Variants in AMOTL2 observed in about 807,000 individuals in gnomAD.
The protein encoded by AMOTL2 is angiomotin like 2, also known as angiomotin-like protein 2.
Under a neutral mutation model 78.4 loss-of-function variants are expected in AMOTL2, and 33 were observed. The observed-to-expected ratio is 0.42, with a 90% confidence interval of 0.32 to 0.56. The LOEUF is 0.56. Ranked by LOEUF, AMOTL2 falls within the 20% of genes least tolerant of loss-of-function variation. The pLI is 0.12. For missense variants in AMOTL2, 983 were observed against 1,030.1 expected (o/e 0.95, Z 0.63); for synonymous variants, 422 against 428.8 (o/e 0.98, Z 0.20).
rs2017233474 is a variant in AMOTL2, at chr3:134,359,345, C to T, written c.2042G>A (p.Gly681Asp). The T allele has an allele frequency of 6.2e-7, 1 of 1,614,220 alleles. No homozygotes were observed. Among genetic ancestry groups the T allele is most frequent in the African/African-American group, 1.3e-5 (1 of 75,062 alleles). Residue 681 changes from glycine (G) to aspartate (D), a missense_variant, in exon 8 of 10, where the codon GGC becomes GAC. Coordinates refer to ENST00000249883, the MANE Select transcript of AMOTL2 (RefSeq NM_016201.4). ...VFAAAAAGTQ[G>D]WQGLSSSERQ... Reference sequence around the variant, plus strand: ...CTCACTAGAAGAGAGCCCTTGCCAGCCCTGGGTTCCTGCTGCCGCAGCCGC... The same window carrying T: ...CTCACTAGAAGAGAGCCCTTGCCAGTCCTGGGTTCCTGCTGCCGCAGCCGC...
Position 134,361,797 on chromosome 3 carries a change from C to T in AMOTL2, c.1290G>A (p.Gln430=). The change falls in exon 6 of 10, where the codon CAG becomes CAA. Residue 430 remains glutamine, a synonymous_variant. Coordinates refer to ENST00000249883, the MANE Select transcript of AMOTL2 (RefSeq NM_016201.4). ...GCTCCAGCTTCTCTTGCTCCTGCTG[C>T]TGTTCGTAGCCTGTAGGGAGAAAGA... is the stretch of plus-strand genomic sequence containing the variant. The part of the protein sequence containing the change: ...VAKLLAQSYE[Q]QQEQEKLERE... 6.4e-7 allele frequency: 1 copy of T among 1,554,492 alleles called. No homozygotes were observed. Among genetic ancestry groups the T allele is most frequent in the Non-Finnish European group, 8.7e-7 (1 of 1,145,894 alleles).
Position 134,370,960 on chromosome 3 carries a change from C to A in AMOTL2, c.474G>T (p.Leu158Phe). The change falls in exon 2 of 10, where the codon TTG (leucine) becomes TTT (phenylalanine). Residue 158 changes from leucine (L) to phenylalanine (F), a missense_variant. Leu to Phe is a conservative substitution (Grantham distance 22). Transcript: ENST00000249883. ...RELRHGHVRS[L>F]SERLLQLSLE... is the part of the protein sequence containing the mutation. Reference sequence around the variant, plus strand: ...GGGACAACTGAAGGAGCCGTTCACTCAACGAGCGCACGTGCCCATGCCTCA... The same window carrying A: ...GGGACAACTGAAGGAGCCGTTCACTAAACGAGCGCACGTGCCCATGCCTCA... 6.2e-7 allele frequency: 1 copy of A among 1,609,608 alleles called. No homozygotes were observed. The highest frequency in any genetic ancestry group is 1.1e-5 in the South Asian group (1 of 90,666).
At chr3:134,358,389 C>T (rs1488687970) in intron 9 of AMOTL2, 151 bp downstream of exon 9, 78 of 934,992 alleles carry the variant, frequency 8.3e-5, no homozygotes, top group Non-Finnish European at 1.2e-4. Flanking sequence ...GTGGGCCAGG[C>T]ACCCTGCTCA....
chr3:134,366,266 G>A lies in AMOTL2; in HGVS notation c.1186+17C>T. The A allele has an allele frequency of 6.2e-7, 1 of 1,613,060 alleles. No individual in the cohort carries two copies. The highest frequency in any genetic ancestry group is 8.5e-7 in the Non-Finnish European group (1 of 1,179,652). On this transcript the variant is annotated intron_variant, in intron 4 of 9. Transcript: ENST00000249883. ...TGCAGAGGTTCTCCAACCTCCACCT[G>A]TGTGACTGGCTCTCACCTCTAAGAT...
intron 5 of AMOTL2, among the ~76,000 whole-genome samples, chr3:134,362,863 T>TG (rs1404869757): frequency 6.6e-6 from 1 of 152,010 alleles, no homozygotes; most frequent in Non-Finnish European, 1.5e-5. Flanking sequence ...GGAGAGCAGG[T>TG]GGGGGGCAGG....
upstream of AMOTL2, chr3:134,375,139 A>T: frequency 6.5e-7 from 1 of 1,531,426 alleles, no homozygotes; most frequent in Non-Finnish European, 8.7e-7. Flanking sequence ...CCGTCTCGAC[A>T]GGAAGTGTGA....
At chr3:134,361,928 G>A (rs532198266) in intron 5 of AMOTL2, 121 bp from the exon 6 acceptor site, 1 of 881,490 alleles carries the variant, frequency 1.1e-6, no homozygotes, top group African/African-American at 1.7e-5. Context: ...AAAAATAACA[G>A]GAATAAGGTA....
chr3:134,365,707 C>G, intron 5 of AMOTL2, 110 bp downstream of exon 5: 1 of 998,878 alleles, frequency 1.0e-6, no homozygotes, highest in South Asian at 1.5e-5. Context: ...TAAACCTGCT[C>G]CCAAAGTACT....
At chr3:134,358,513 C>A in intron 9 of AMOTL2, 27 bp downstream of exon 9, 2 of 1,603,586 alleles carry the variant, frequency 1.2e-6, no homozygotes, top group South Asian at 1.1e-5. Context: ...CCCTACCTAG[C>A]ACAGAAGTGG....
At chr3:134,373,837 A>G (rs2017979700) in intron 1 of AMOTL2, 1 of 985,190 alleles carries the variant, frequency 1.0e-6, no homozygotes, top group Non-Finnish European at 1.2e-6. Flanking sequence ...ACCGGGCTGG[A>G]CAGCAGGCTG....
intron 3 of AMOTL2, among the ~76,000 whole-genome samples, chr3:134,367,241 C>A (rs994958249): frequency 1.3e-5 from 2 of 152,070 alleles, no homozygotes; most frequent in Admixed American, 1.3e-4. Context: ...GGTGAATGGG[C>A]TCTTTCTAAT....
chr3:134,359,235 C>G, intron 8 of AMOTL2, 48 bp downstream of exon 8: 15 of 1,596,672 alleles, frequency 9.4e-6, no homozygotes, highest in Non-Finnish European at 1.3e-5. Flanking sequence ...GTGTTCAGGC[C>G]CAGGAGAAAT....
At chr3:134,374,265 G>C in intron 1 of AMOTL2, 77 bp downstream of exon 1, 1 of 985,462 alleles carries the variant, frequency 1.0e-6, no homozygotes, top group Non-Finnish European at 1.2e-6. Flanking sequence ...GCCGGGTTGC[G>C]CCGAGACTCC....
chr3:134,367,403 A>G, intron 3 of AMOTL2, 94 bp downstream of exon 3: 3 of 1,432,802 alleles, frequency 2.1e-6, no homozygotes, highest in South Asian at 1.2e-5. Flanking sequence ...AACAGTTTTC[A>G]GGCTCCTCTG....
At position 134,361,486 on chromosome 3, in the gene AMOTL2, C is replaced by G. The variant is rs1456800814; in HGVS notation, c.1575+26G>C. 8 of 1,576,432 alleles carry G rather than the reference C, an allele frequency of 5.1e-6. No homozygotes were observed. The African/African-American group carries it at 1.1e-4, about 21-fold the overall frequency. Reference sequence around the variant, plus strand: ...GAAGCCAACATCCTCAGATGCTGCCCTAGCCTGGAGACTTTCTCAGCTCAC... The same window carrying G: ...GAAGCCAACATCCTCAGATGCTGCCGTAGCCTGGAGACTTTCTCAGCTCAC... On this transcript the variant is annotated intron_variant, in intron 6 of 9. Transcript: ENST00000249883.
Position 134,367,601 on chromosome 3 carries a change from G to C in AMOTL2, c.937C>G (p.Gln313Glu). The change falls in exon 3 of 10, where the codon CAG becomes GAG. Residue 313 changes from glutamine to glutamate, a missense_variant. Coordinates refer to ENST00000249883, the MANE Select transcript of AMOTL2 (RefSeq NM_016201.4). The part of the protein sequence containing the change: ...SATSGSAHLA[Q>E]MEAVLRENAR... ...TTCTCCCTCAGCACGGCCTCCATCTGGGCCAGGTGGGCACTGCCCGAGGTG... is the reference window on the plus strand; with the variant it reads ...TTCTCCCTCAGCACGGCCTCCATCTCGGCCAGGTGGGCACTGCCCGAGGTG... 6.2e-7 allele frequency: 1 copy of C among 1,613,526 alleles called. No homozygotes were observed. The highest frequency in any genetic ancestry group is 8.5e-7 in the Non-Finnish European group (1 of 1,180,044).
intron 3 of AMOTL2, chr3:134,366,939 A>ACCAGGCAGAGCTGCCTCTGCCTGGTGTC (rs1299408326): frequency 6.4e-6 from 1 of 155,216 alleles, no homozygotes; most frequent in African/African-American, 2.4e-5. Flanking sequence ...AGAAGCGGGC[A>ACCAGGCAGAGCTGCCTCTGCCTGGTGTC]CCAGGCAGAG....
At chr3:134,360,479 C>T (rs983480047) in intron 6 of AMOTL2, 66 bp from the exon 7 acceptor site, 8 of 1,344,444 alleles carry the variant, frequency 6.0e-6, no homozygotes, top group African/African-American at 2.9e-5. Flanking sequence ...CACTGGTCTT[C>T]GCCTCCACAC....
At chr3:134,359,990 G>T in intron 7 of AMOTL2, 116 bp downstream of exon 7, 1 of 1,130,608 alleles carries the variant, frequency 8.8e-7, no homozygotes, top group Non-Finnish European at 1.2e-6. Context: ...GAAGCAGGAG[G>T]GACTGCTGAG....
Sources: gnomAD v4.1 joint callset for allele counts (sites outside exome capture counted in the v4.1 genomes callset) on GRCh38, gnomAD v4.1.1 for gene constraint, MANE v1.5 for transcripts, NCBI Gene and HGNC (gene_info 2026-07-23, HGNC 2026-07-21) for gene names.